Variants in MVK observed in about 807,000 individuals in gnomAD.
MVK encodes mevalonate kinase.
A neutral mutation model predicts 43.2 loss-of-function variants in MVK; 34 were observed. That is an observed-to-expected ratio of 0.79 (90% CI 0.60 to 1.05). MVK has a LOEUF of 1.05. Ranked by LOEUF, MVK falls within the 50% of genes least tolerant of loss-of-function variation. The pLI is 0.00. For missense variants in MVK, 395 were observed against 504.0 expected (o/e 0.78, Z 2.07); for synonymous variants, 190 against 219.8 (o/e 0.86, Z 1.20).
In MVK at chr12:109,586,113, G is replaced by A; in HGVS notation, c.619G>A (p.Val207Ile). The A allele has an allele frequency of 1.2e-6, 2 of 1,613,642 alleles. No individual in the cohort carries two copies. The highest frequency in any genetic ancestry group is 1.7e-6 in the Non-Finnish European group (2 of 1,179,506). ...GAACCCCTCCGGAGTGGACAATGCT[G>A]TCAGCACCTGGGGTAGGTGTGGCCT... ...HGNPSGVDNA[V>I]STWGGALRYH... The change falls in exon 6 of 11, where the codon GTC (valine) becomes ATC (isoleucine). Residue 207 changes from valine to isoleucine, a missense_variant. Physicochemically the swap from Val to Ile is conservative, Grantham distance 29. Transcript: ENST00000228510.
At chr12:109,576,312 T>C (rs190890623) in intron 3 of MVK, among the ~76,000 whole-genome samples, 167 bp downstream of exon 3, 1 of 152,288 alleles carries the variant, frequency 6.6e-6, no homozygotes, top group Non-Finnish European at 1.5e-5. Flanking sequence ...TTAAAATTTA[T>C]AGGTGTAAAA....
At chr12:109,583,439 T>C (rs1885309213) in intron 5 of MVK, among the ~76,000 whole-genome samples, 1 of 152,242 alleles carries the variant, frequency 6.6e-6, no homozygotes, top group Non-Finnish European at 1.5e-5. Flanking sequence ...CATCATTTTT[T>C]ATGGCTGCAT....
intron 4 of MVK, among the ~76,000 whole-genome samples, chr12:109,581,179 C>G (rs1690443356): frequency 6.6e-6 from 1 of 152,178 alleles, no homozygotes; most frequent in African/African-American, 2.4e-5. Context: ...TTGAATGACC[C>G]AGGGATTTAA....
intron 1 of MVK, among the ~76,000 whole-genome samples, chr12:109,574,468 G>A (rs549290611): frequency 6.6e-6 from 1 of 152,172 alleles, no homozygotes; most frequent in African/African-American, 2.4e-5. Flanking sequence ...GCCAGACACC[G>A]CCAAGTGTTT....
chr12:109,586,628 A>G, intron 6 of MVK, 126 bp from the exon 7 acceptor site: 1 of 1,012,690 alleles, frequency 9.9e-7, no homozygotes, highest in Non-Finnish European at 1.5e-6. Flanking sequence ...AGCTGGGCTG[A>G]CTCATTACTT....
At chr12:109,573,274 T>C, upstream of MVK, 1 of 1,592,454 alleles carries the variant, frequency 6.3e-7, no homozygotes, top group African/African-American at 1.3e-5. Flanking sequence ...CTCACGGCGG[T>C]GTGACGTACC....
intron 2 of MVK, 91 bp downstream of exon 2, chr12:109,574,991 C>A: frequency 7.8e-7 from 1 of 1,281,356 alleles, no homozygotes. Flanking sequence ...TGAGGCACAG[C>A]TTGGGAGCAG....
chr12:109,579,103 C>G (rs981295439), intron 3 of MVK: 3 of 363,080 alleles, frequency 8.3e-6, no homozygotes, highest in South Asian at 2.1e-5. Flanking sequence ...CTGTGTGTGT[C>G]TGTGTGTCTG....
intron 7 of MVK, chr12:109,588,972 T>C (rs1210747692): frequency 6.6e-6 from 1 of 152,290 alleles, no homozygotes; most frequent in Non-Finnish European, 1.5e-5. Flanking sequence ...GAAACCTGAA[T>C]AAGTCACGCC....
At chr12:109,579,339 C>T (rs141755149) in intron 3 of MVK, 3 of 359,346 alleles carry the variant, frequency 8.3e-6, no homozygotes, top group Middle Eastern at 1.0e-3. Context: ...GGGGTTTCGC[C>T]ATGTTACCTA....
At position 109,573,846 on chromosome 12, in the gene MVK, G is replaced by A. The variant is rs1481484014; in HGVS notation, c.-42G>A. ...GCTCCGGCTTCGGCGCGGAGGGGCG[G>A]CGGCCGGGGAGGCGGCGGCGGCGGC... On this transcript the variant is annotated 5_prime_UTR_variant, in exon 1 of 11. Transcript: ENST00000228510. 5 of 217,298 alleles carry A rather than the reference G, an allele frequency of 2.3e-5. No individual in the cohort carries two copies. Among genetic ancestry groups the A allele is most frequent in the Non-Finnish European group, 4.5e-5 (5 of 111,726 alleles). The allele number at this position is 217,298 out of a possible 1,614,324, so 13.5% of individuals were successfully genotyped here.
At chr12:109,579,688 C>T (rs2136224296) in intron 3 of MVK, 114 bp from the exon 4 acceptor site, 1 of 1,406,884 alleles carries the variant, frequency 7.1e-7, no homozygotes, top group South Asian at 1.2e-5. Flanking sequence ...ACCATAAATT[C>T]GTGTCCATCC....
chr12:109,588,330 T>C (rs1279820798), intron 7 of MVK: 1 of 152,308 alleles, frequency 6.6e-6, no homozygotes, highest in Non-Finnish European at 1.5e-5. Context: ...AGTGGTGGCA[T>C]TTCATTCCTT....
Position 109,595,015 on chromosome 12 carries a change from C to A in MVK, c.886-13C>A. ...GCAGGCCAAGTGGGAACAGATGGAA[C>A]CTTCTCCCCTAGGAGCTCATTGACA... On this transcript the variant is annotated splice_polypyrimidine_tract_variant and intron_variant, in intron 9 of 10. Transcript: ENST00000228510. This position sits in a 1 kb window ranked among gnomAD's most constrained non-coding sequence, Gnocchi z 5.9. The A allele has an allele frequency of 6.2e-7, 1 of 1,614,116 alleles. No individual in the cohort carries two copies. Among genetic ancestry groups the A allele is most frequent in the Non-Finnish European group, 8.5e-7 (1 of 1,180,038 alleles).
intron 3 of MVK, among the ~76,000 whole-genome samples, chr12:109,577,162 G>A (rs546949693): frequency 5.9e-5 from 9 of 152,300 alleles, no homozygotes; most frequent in African/African-American, 2.2e-4. Context: ...TGTCACGTGT[G>A]TGTGCTGATT....
upstream of MVK, chr12:109,573,272 G>C (rs1209693631): frequency 6.3e-7 from 1 of 1,591,576 alleles, no homozygotes; most frequent in East Asian, 2.2e-5. Flanking sequence ...ACCTCACGGC[G>C]GTGTGACGTA....
chr12:109,585,175 G>A (rs1004566017), intron 5 of MVK, among the ~76,000 whole-genome samples: 1 of 152,216 alleles, frequency 6.6e-6, no homozygotes, highest in African/African-American at 2.4e-5. Flanking sequence ...TGGTTGGGAC[G>A]AGCCTGGCCC....
Position 109,591,319 on chromosome 12 carries a change from G to A in MVK, c.847G>A (p.Gly283Arg), listed in dbSNP as rs1885671788. The change falls in exon 9 of 11, where the codon GGG (glycine) becomes AGG (arginine). Residue 283 changes from glycine (G) to arginine (R), a missense_variant. Transcript: ENST00000228510. ...LECERVLGEM[G>R]EAPAPEQYLV... is the part of the protein sequence containing the mutation. ...GTGTGAGCGCGTGCTGGGAGAGATG[G>A]GGGAAGCCCCAGCCCCGGAGCAGTA... The A allele has an allele frequency of 6.2e-7, 1 of 1,614,114 alleles. No homozygotes were observed. The highest frequency in any genetic ancestry group is 8.5e-7 in the Non-Finnish European group (1 of 1,180,054).
At position 109,581,525 on chromosome 12, in the gene MVK, CTGAAGG is replaced by C. The variant is rs1885218525; in HGVS notation, c.503_508del (p.Leu168_Asp170delinsHis). The stretch of plus-strand genomic sequence containing the variant: ...TGTGTGCGAGGAGATCCCAAACCCG[CTGAAGG>C]ACGGGGATTGCGTCAACAGGTAACC... On this transcript the variant is annotated inframe_deletion, in exon 5 of 11. Transcript: ENST00000228510. 1 of 1,614,216 alleles carries C rather than the reference CTGAAGG, an allele frequency of 6.2e-7. No individual in the cohort carries two copies. Among genetic ancestry groups the C allele is most frequent in the Non-Finnish European group, 8.5e-7 (1 of 1,180,028 alleles).
Sources: gnomAD v4.1 joint callset for allele counts (sites outside exome capture counted in the v4.1 genomes callset) on GRCh38, gnomAD v4.1.1 for gene constraint, Gnocchi (gnomAD v3.1) non-coding constraint, MANE v1.5 for transcripts, NCBI Gene and HGNC (gene_info 2026-07-23, HGNC 2026-07-21) for gene names.